Variants in LGALS2 observed in about 807,000 individuals in gnomAD.
The protein encoded by LGALS2 is galectin 2.
In LGALS2, 7 loss-of-function variants were observed where a neutral mutation model predicts 10.1. That is an observed-to-expected ratio of 0.70 (90% CI 0.40 to 1.31). The LOEUF is 1.31. Ranked by LOEUF, LGALS2 falls within the 50% of genes most tolerant of loss-of-function variation. The probability of loss-of-function intolerance (pLI) is 0.01; values close to 1 mark genes in which losing one functional copy is unlikely to be tolerated. For missense variants in LGALS2, 167 were observed against 163.6 expected, an observed-to-expected ratio of 1.02 and a Z score of -0.11; for synonymous variants, 86 against 64.2, an observed-to-expected ratio of 1.34 and a Z score of -1.63.
At chr22:37,573,636 T>C (rs1369164253) in intron 1 of LGALS2, among the ~76,000 whole-genome samples, 5 of 152,206 alleles carry the variant, frequency 3.3e-5, no homozygotes, top group Non-Finnish European at 7.4e-5. Flanking sequence ...TTCAAGAACA[T>C]GTTTGTGAAA....
intron 1 of LGALS2, among the ~76,000 whole-genome samples, chr22:37,579,166 T>C (rs1397711724): frequency 2.9e-5 from 4 of 140,232 alleles, no homozygotes; most frequent in Non-Finnish European, 6.0e-5. Context: ...GAGAATTGCT[T>C]GAACCCAGGC....
chr22:37,577,868 C>T (rs1419989332), intron 1 of LGALS2, among the ~76,000 whole-genome samples: 2 of 152,082 alleles, frequency 1.3e-5, no homozygotes, highest in Admixed American at 6.6e-5. Flanking sequence ...TGATGCAAGC[C>T]AAGGAATGCG....
At chr22:37,576,868 C>T (rs1041757692) in intron 1 of LGALS2, among the ~76,000 whole-genome samples, 1 of 152,034 alleles carries the variant, frequency 6.6e-6, no homozygotes, top group Non-Finnish European at 1.5e-5. Context: ...TGCACTTGGA[C>T]AAATAGGGAT....
chr22:37,575,203 C>T lies in LGALS2; in HGVS notation c.7-3272G>A, dbSNP rs202051286. On this transcript the variant is annotated intron_variant, in intron 1 of 3. Coordinates refer to ENST00000215886, the MANE Select transcript of LGALS2 (RefSeq NM_006498.3). ...ACCCAGCATTTTTTTTCTTTTCTTT[C>T]TTTTTTTTTTTTTTTTGAGACAGGG... Among the ~76,000 whole-genome samples, 157 of 128,686 alleles carry T rather than the reference C, an allele frequency of 1.2e-3. 1 individual carries two copies. Among genetic ancestry groups the T allele is most frequent in the Non-Finnish European group, 2.0e-3 (128 of 62,996 alleles). 84.4% of individuals were successfully genotyped at this position (128,686 alleles called of 152,430 possible).
chr22:37,579,833 A>T, intron 1 of LGALS2, 67 bp downstream of exon 1: 1 of 1,547,490 alleles, frequency 6.5e-7, no homozygotes, highest in East Asian at 2.3e-5. Flanking sequence ...TTTCCCTAAA[A>T]GCCCCCACCC....
At chr22:37,573,769 C>T (rs937121997) in intron 1 of LGALS2, among the ~76,000 whole-genome samples, 1 of 150,360 alleles carries the variant, frequency 6.7e-6, no homozygotes, top group African/African-American at 2.4e-5. Context: ...CTTGCTTTGT[C>T]GCCCAGGCTG....
chr22:37,579,776 T>A, intron 1 of LGALS2, 124 bp downstream of exon 1: 1 of 1,051,896 alleles, frequency 9.5e-7, no homozygotes, highest in Non-Finnish European at 1.4e-6. Flanking sequence ...CCAACTTCTT[T>A]GCTGCACAGA....
chr22:37,572,624 G>A (rs970037703), intron 1 of LGALS2, among the ~76,000 whole-genome samples: 7 of 151,866 alleles, frequency 4.6e-5, no homozygotes, highest in African/African-American at 1.7e-4. Flanking sequence ...AAAGTTAGCC[G>A]GGTGTGGTGG....
In LGALS2 at chr22:37,570,562, C is replaced by T. The variant is rs201741360; in HGVS notation, c.249+14G>A. On this transcript the variant is annotated intron_variant, in intron 3 of 3. Coordinates refer to ENST00000215886, the MANE Select transcript of LGALS2 (RefSeq NM_006498.3). The stretch of plus-strand genomic sequence containing the variant: ...TTGACATCACCCCAGTGCCCTTTCC[C>T]CCTTTGACCTCACCTTGACCTCTGA... The T allele has an allele frequency of 1.2e-6, 2 of 1,614,186 alleles. No individual in the cohort carries two copies. The highest frequency in any genetic ancestry group is 2.2e-5 in the East Asian group (1 of 44,886).
intron 1 of LGALS2, among the ~76,000 whole-genome samples, chr22:37,575,847 G>A (rs1343799289): frequency 6.6e-6 from 1 of 152,204 alleles, no homozygotes; most frequent in African/African-American, 2.4e-5. Flanking sequence ...ACAGGAGGCT[G>A]CTCAGACCAG....
rs1925799674 is a variant in LGALS2 at position 37,579,912 on chromosome 22, A to C, written c.-7T>G. 2.5e-6 allele frequency: 4 copies of C among 1,611,288 alleles called. No homozygotes were observed. The African/African-American group carries it at 5.3e-5, about 22-fold the overall frequency. ...CTAGTGTCCTCACCGTCATGGTGAC[A>C]GCTCCTGGCGGCAGCTCCCAGCGGC... On this transcript the variant is annotated 5_prime_UTR_variant, in exon 1 of 4. Transcript: ENST00000215886.
intron 1 of LGALS2, among the ~76,000 whole-genome samples, chr22:37,579,085 C>A (rs4821674): frequency 0.9 from 128,121 of 142,896 alleles, 57,701 homozygotes; most frequent in Admixed American, 0.93. Flanking sequence ...TCCATCTCAA[C>A]AAAAAAAAAA....
Position 37,571,884 on chromosome 22 carries a change from C to T in LGALS2, c.54G>A (p.Leu18=), listed in dbSNP as rs930898433. The T allele has an allele frequency of 6.2e-7, 1 of 1,614,196 alleles. No individual in the cohort carries two copies. The highest frequency in any genetic ancestry group is 8.5e-7 in the Non-Finnish European group (1 of 1,180,018). The change falls in exon 2 of 4, where the codon CTG becomes CTA. Residue 18 remains leucine, a synonymous_variant. Transcript: ENST00000215886. ...CATCGGCGATGCTGCCTGTGATCTTCAGGGTTGACCCCGGCTTCATGTCCA... is the reference window on the plus strand; with the variant it reads ...CATCGGCGATGCTGCCTGTGATCTTTAGGGTTGACCCCGGCTTCATGTCCA... The part of the protein sequence containing the change: ...KNMDMKPGST[L]KITGSIADGT...
At chr22:37,571,620 G>A (rs750337748) in intron 2 of LGALS2, among the ~76,000 whole-genome samples, 15 of 152,206 alleles carry the variant, frequency 9.9e-5, no homozygotes, top group Non-Finnish European at 2.1e-4. Flanking sequence ...ATGGCTGTTG[G>A]GGCAAAAGAA....
Position 37,570,358 on chromosome 22 carries a change from C to A in LGALS2, c.304G>T (p.Glu102Ter), listed in dbSNP as rs763088523. The A allele has an allele frequency of 6.2e-7, 1 of 1,614,074 alleles. No individual in the cohort carries two copies. The highest frequency in any genetic ancestry group is 8.5e-7 in the Non-Finnish European group (1 of 1,179,978). The change falls in exon 4 of 4, where the codon GAG (glutamate) becomes TAG (stop). Residue 102 changes from glutamate to a stop codon, truncating the protein, a stop_gained. Transcript: ENST00000215886. LOFTEE classifies it low-confidence loss of function (END_TRUNC). ...CCCAGCCTGTTGGGAAAAGTCAGCTCGTGCCCATCTGGCAGCTTCACCTTG... is the reference window on the plus strand; with the variant it reads ...CCCAGCCTGTTGGGAAAAGTCAGCTAGTGCCCATCTGGCAGCTTCACCTTG... The part of the protein sequence containing the change: ...KFKVKLPDGH[E>*]LTFPNRLGHS...
At chr22:37,577,568 AG>A (rs529385881) in intron 1 of LGALS2, among the ~76,000 whole-genome samples, 257 of 151,002 alleles carry the variant, frequency 1.7e-3, no homozygotes, top group Non-Finnish European at 3.1e-3. Flanking sequence ...CAGTACAGAC[AG>A]GGTTTCACCA....
rs182595322 is a variant in LGALS2, at chr22:37,572,903, G to A, written c.7-972C>T. 2.3e-3 allele frequency among the ~76,000 whole-genome samples: 353 copies of A among 150,232 alleles called. 5 individuals are homozygous for A. The highest frequency in any genetic ancestry group is 4.4e-4 in the Non-Finnish European group (30 of 67,560). On this transcript the variant is annotated intron_variant, in intron 1 of 3. Transcript: ENST00000215886. ...GGAGAATTGCTTGAATTCTGGAAGC[G>A]GAGGTTGCCATGAGCTGAGATCGTA...
intron 1 of LGALS2, among the ~76,000 whole-genome samples, chr22:37,578,420 G>A (rs1172810503): frequency 6.6e-6 from 1 of 152,056 alleles, no homozygotes; most frequent in Non-Finnish European, 1.5e-5. Flanking sequence ...GGAGTGTGCC[G>A]CTACCCCCAC....
chr22:37,570,739 CAGG>C lies in LGALS2; in HGVS notation c.90-7_90-5del. The C allele has an allele frequency of 1.2e-6, 2 of 1,614,154 alleles. No individual in the cohort carries two copies. The highest frequency in any genetic ancestry group is 1.7e-6 in the Non-Finnish European group (2 of 1,180,036). On this transcript the variant is annotated splice_polypyrimidine_tract_variant and splice_region_variant and intron_variant, in intron 2 of 3. Coordinates refer to ENST00000215886, the MANE Select transcript of LGALS2 (RefSeq NM_006498.3). ...CTGGCCCAGATTAATTACAAAGCTG[CAGG>C]AGAAGGGGTAGCAGGTGAGGTTCAG...
Sources: gnomAD v4.1 joint callset for allele counts (sites outside exome capture counted in the v4.1 genomes callset) on GRCh38, gnomAD v4.1.1 for gene constraint, MANE v1.5 for transcripts, NCBI Gene and HGNC (gene_info 2026-07-23, HGNC 2026-07-21) for gene names.